C12orf43: variants seen among roughly 807,000 people sequenced by gnomAD.
C12orf43 encodes the protein protein CUSTOS.
In C12orf43, 15 loss-of-function variants were observed where a neutral mutation model predicts 20.6. The ratio of observed to expected loss-of-function variants is 0.73; its 90% CI spans 0.49 to 1.12. C12orf43 has a LOEUF of 1.12. C12orf43 is among the 50% of genes most tolerant of loss of function. The pLI, the probability that C12orf43 is intolerant of heterozygous loss-of-function variation, is 0.00. For synonymous variants in C12orf43, 144 were observed against 130.8 expected, an observed-to-expected ratio of 1.10 and a Z score of -0.69; for missense variants, 334 against 344.4, an observed-to-expected ratio of 0.97 and a Z score of 0.24.
chr12:121,011,273 C>G (rs1592919052), intron 1 of C12orf43, 127 bp from the exon 2 acceptor site: 2 of 539,584 alleles, frequency 3.7e-6, no homozygotes, highest in South Asian at 7.1e-5. Flanking sequence ...ACATGTAACT[C>G]ATATATATTA....
Position 121,001,021 on chromosome 12 carries a change from G to C in C12orf43, c.*3132C>G, listed in dbSNP as rs1021631858. On this transcript the variant is annotated 3_prime_UTR_variant, in exon 6 of 6. Coordinates refer to ENST00000288757, the MANE Select transcript of C12orf43 (RefSeq NM_022895.3). Reference sequence around the variant, plus strand: ...CTAGGGACAGGCAGGTGGGGTGGGTGTGGGTGCCTGGTGGGTGGCTAGCAG... The same window carrying C: ...CTAGGGACAGGCAGGTGGGGTGGGTCTGGGTGCCTGGTGGGTGGCTAGCAG... 3 of 1,610,076 alleles carry C rather than the reference G, an allele frequency of 1.9e-6. No individual in the cohort carries two copies. The highest frequency in any genetic ancestry group is 1.3e-5 in the African/African-American group (1 of 74,918).
Position 121,005,358 on chromosome 12 carries a change from T to A in C12orf43, c.362-265A>T, listed in dbSNP as rs879654590. 1.3e-5 allele frequency among the ~76,000 whole-genome samples: 2 copies of A among 151,630 alleles called. No homozygotes were observed. The highest frequency in any genetic ancestry group is 2.9e-5 in the Non-Finnish European group (2 of 67,894). On this transcript the variant is annotated intron_variant, in intron 4 of 5. Coordinates refer to ENST00000288757, the MANE Select transcript of C12orf43 (RefSeq NM_022895.3). The surrounding 1 kb of genome is among the most constrained non-coding windows in gnomAD (Gnocchi z 5.6). ...AGCACCCCCAGATGCCAGCCCCTCC[T>A]CCCAGGTGCCAGGTGCTGAAGCTGC...
At chr12:121,013,044 G>A (rs939065122) in intron 1 of C12orf43, among the ~76,000 whole-genome samples, 1 of 152,104 alleles carries the variant, frequency 6.6e-6, no homozygotes, top group Admixed American at 6.5e-5. Context: ...GGAGGGCCAT[G>A]GTGTAAGAAA....
At position 121,001,610 on chromosome 12, in the gene C12orf43, G is replaced by A. The variant is rs1877491248; in HGVS notation, c.*2543C>T. 9.1e-6 allele frequency: 4 copies of A among 440,198 alleles called. No homozygotes were observed. Among genetic ancestry groups the A allele is most frequent in the Non-Finnish European group, 1.7e-5 (4 of 230,524 alleles). 27.3% of individuals were successfully genotyped at this position (440,198 alleles called of 1,614,324 possible). On this transcript the variant is annotated 3_prime_UTR_variant, in exon 6 of 6. Coordinates refer to ENST00000288757, the MANE Select transcript of C12orf43 (RefSeq NM_022895.3). ...ACACAGGCCTGTGTAGCTGTGACCT[G>A]CTGAGCTCTGAGAGGCCCTGGATCA...
chr12:121,002,044 G>A lies in C12orf43; in HGVS notation c.*2109C>T, dbSNP rs1162488516. On this transcript the variant is annotated 3_prime_UTR_variant, in exon 6 of 6. Coordinates refer to ENST00000288757, the MANE Select transcript of C12orf43 (RefSeq NM_022895.3). ...GCCAAGTCCAGGTCCTGGTGGGGCA[G>A]CTCCTCTGTCTCGAGCGCCCTGCAG... 1 of 536,884 alleles carries A rather than the reference G, an allele frequency of 1.9e-6. No individual in the cohort carries two copies. Among genetic ancestry groups the A allele is most frequent in the Non-Finnish European group, 3.6e-6 (1 of 276,744 alleles). The allele number at this position is 536,884 out of a possible 1,614,324, so 33.3% of individuals were successfully genotyped here. A position where few individuals can be genotyped will look rare whatever the true frequency, so the allele number is the denominator to read the frequency against.
chr12:121,011,107 A>G lies in C12orf43; in HGVS notation c.185T>C (p.Leu62Pro), dbSNP rs1212462795. 1 of 1,614,046 alleles carries G rather than the reference A, an allele frequency of 6.2e-7. No homozygotes were observed. The highest frequency in any genetic ancestry group is 1.1e-5 in the South Asian group (1 of 91,086). The change falls in exon 2 of 6, where the codon CTC (leucine) becomes CCC (proline). Residue 62 changes from leucine to proline, a missense_variant. Transcript: ENST00000288757. ...TTGAACCCAAAGTGCATAGTACCTG[A>G]GGCTCGGTTGGGAGGTTGACAACTG... is the stretch of plus-strand genomic sequence containing the variant. ...NSQLSTSQPS[L>P]RHKVNEHEQD...
rs1363830401 is a variant in C12orf43 at position 121,002,072 on chromosome 12, C to T, written c.*2081G>A. ...CCTCTGTCTCGAGCGCCCTGCAGAC[C>T]CTGCCCTTGTTTGGGGCAGGAGTAG... On this transcript the variant is annotated 3_prime_UTR_variant, in exon 6 of 6. Coordinates refer to ENST00000288757, the MANE Select transcript of C12orf43 (RefSeq NM_022895.3). The T allele has an allele frequency of 1.3e-5, 7 of 536,334 alleles. No individual in the cohort carries two copies. The highest frequency in any genetic ancestry group is 3.7e-5 in the African/African-American group (2 of 53,936). 33.2% of individuals were successfully genotyped at this position (536,334 alleles called of 1,614,324 possible).
At chr12:121,009,622 A>G (rs529766594) in intron 3 of C12orf43, among the ~76,000 whole-genome samples, 1 of 152,348 alleles carries the variant, frequency 6.6e-6, no homozygotes, top group South Asian at 2.1e-4. Flanking sequence ...CACAGTAGGA[A>G]GGCGCCATCT....
Position 121,001,250 on chromosome 12 carries a change from A to T in C12orf43, c.*2903T>A, listed in dbSNP as rs1877460966. On this transcript the variant is annotated 3_prime_UTR_variant, in exon 6 of 6. Coordinates refer to ENST00000288757, the MANE Select transcript of C12orf43 (RefSeq NM_022895.3). Reference sequence around the variant, plus strand: ...CTGCTTGGGGGGTGATGAGGGCAGCAGCCAGCCCTGCCTGGAGGACCTGAG... The same window carrying T: ...CTGCTTGGGGGGTGATGAGGGCAGCTGCCAGCCCTGCCTGGAGGACCTGAG... 1 of 1,601,164 alleles carries T rather than the reference A, an allele frequency of 6.2e-7. No homozygotes were observed. The highest frequency in any genetic ancestry group is 8.5e-7 in the Non-Finnish European group (1 of 1,174,000).
intron 1 of C12orf43, among the ~76,000 whole-genome samples, chr12:121,013,013 C>A (rs563636412): frequency 6.6e-6 from 1 of 152,228 alleles, no homozygotes; most frequent in Admixed American, 6.5e-5. Context: ...AAAGTGGACA[C>A]TTGGTAGCTC....
rs935758786 is a variant in C12orf43, at chr12:121,001,468, G to A, written c.*2685C>T. The stretch of plus-strand genomic sequence containing the variant: ...TAGGAGGGACTGTCGCTGCTTCGTG[G>A]GATACAGTCTTCTTACTTGGAACTG... On this transcript the variant is annotated 3_prime_UTR_variant, in exon 6 of 6. Transcript: ENST00000288757. 1.2e-5 allele frequency: 6 copies of A among 501,846 alleles called. No homozygotes were observed. The highest frequency in any genetic ancestry group is 8.2e-5 in the South Asian group (4 of 48,826). 31.1% of individuals were successfully genotyped at this position (501,846 alleles called of 1,614,324 possible). A position where few individuals can be genotyped will look rare whatever the true frequency, so the allele number is the denominator to read the frequency against.
At chr12:121,013,312 C>T (rs772581650) in intron 1 of C12orf43, among the ~76,000 whole-genome samples, 1 of 152,134 alleles carries the variant, frequency 6.6e-6, no homozygotes, top group African/African-American at 2.4e-5. Flanking sequence ...GGTGAGGTAC[C>T]GTCAGGGAAC....
rs1469939394 is a variant in C12orf43, at chr12:121,001,607, CCTG to C, written c.*2543_*2545del. 6.8e-6 allele frequency: 3 copies of C among 439,946 alleles called. No homozygotes were observed. Among genetic ancestry groups the C allele is most frequent in the Non-Finnish European group, 4.3e-6 (1 of 230,498 alleles). 27.3% of individuals were successfully genotyped at this position (439,946 alleles called of 1,614,324 possible). A position where few individuals can be genotyped will look rare whatever the true frequency, so the allele number is the denominator to read the frequency against. On this transcript the variant is annotated 3_prime_UTR_variant, in exon 6 of 6. Coordinates refer to ENST00000288757, the MANE Select transcript of C12orf43 (RefSeq NM_022895.3). ...AGGACACAGGCCTGTGTAGCTGTGACCTGCTGAGCTCTGAGAGGCCCTGGATCA... is the reference window on the plus strand; with the variant it reads ...AGGACACAGGCCTGTGTAGCTGTGACCTGAGCTCTGAGAGGCCCTGGATCA...
At chr12:121,012,438 T>A (rs1555214078) in intron 1 of C12orf43, 1 of 702,626 alleles carries the variant, frequency 1.4e-6, no homozygotes, top group East Asian at 2.7e-5. Flanking sequence ...ACCTGGGTTT[T>A]GACAGAACAT....
intron 3 of C12orf43, 51 bp from the exon 4 acceptor site, chr12:121,006,445 A>G (rs1878032830): frequency 6.4e-7 from 1 of 1,564,092 alleles, no homozygotes; most frequent in Non-Finnish European, 8.8e-7. Flanking sequence ...GGATAACGAC[A>G]AAAACAAAAT....
rs78371624 is a variant in C12orf43, at chr12:121,013,637, G to C, written c.146-2491C>G. ...AAGTAGATGCTACCCTAAAATTAAA[G>C]TGGTTTGAGTGACGAGTTCATCACT... On this transcript the variant is annotated intron_variant, in intron 1 of 5. Transcript: ENST00000288757. Among the ~76,000 whole-genome samples the C allele has an allele frequency of 2.3e-3, 353 of 152,324 alleles. 5 individuals carry two copies. The East Asian group carries it at 0.033, about 14-fold the overall frequency.
intron 1 of C12orf43, among the ~76,000 whole-genome samples, chr12:121,013,427 T>A (rs1868587964): frequency 6.6e-6 from 1 of 152,212 alleles, no homozygotes; most frequent in South Asian, 2.1e-4. Flanking sequence ...TTTGTTTTTC[T>A]CATCTATAAA....
intron 1 of C12orf43, among the ~76,000 whole-genome samples, chr12:121,012,248 T>A (rs1028830679): frequency 1.3e-5 from 2 of 152,140 alleles, no homozygotes; most frequent in Non-Finnish European, 2.9e-5. Context: ...GAGCCTGCTT[T>A]GTGTGTTTAG....
chr12:121,006,569 C>T (rs1371882132), intron 3 of C12orf43, 175 bp from the exon 4 acceptor site: 10 of 606,912 alleles, frequency 1.6e-5, no homozygotes, highest in Non-Finnish European at 2.7e-5. Context: ...GCCTCTGCCA[C>T]GCGAACTGCA....
Sources: gnomAD v4.1 joint callset for allele counts (sites outside exome capture counted in the v4.1 genomes callset) on GRCh38, gnomAD v4.1.1 for gene constraint, Gnocchi (gnomAD v3.1) non-coding constraint, MANE v1.5 for transcripts, NCBI Gene and HGNC (gene_info 2026-07-23, HGNC 2026-07-21) for gene names.